Variants in PRKCA observed in about 807,000 individuals in gnomAD.
PRKCA encodes protein kinase C alpha, also known as protein kinase C alpha type.
Under a neutral mutation model 87.0 loss-of-function variants are expected in PRKCA, and 27 were observed. The observed-to-expected ratio is 0.31, with a 90% CI of 0.23 to 0.43. PRKCA has a LOEUF of 0.43. Ranked by LOEUF, PRKCA falls within the 20% of genes least tolerant of loss-of-function variation. The pLI is 1.00. For synonymous variants in PRKCA, 329 were observed against 311.1 expected (o/e 1.06, Z -0.61); for missense variants, 518 against 852.3 (o/e 0.61, Z 4.88).
chr17:66,653,532 A>G (rs933709311), intron 5 of PRKCA, among the ~76,000 whole-genome samples: 3 of 152,218 alleles, frequency 2.0e-5, no homozygotes, highest in African/African-American at 7.2e-5. Flanking sequence ...TCGAGGTAAC[A>G]GGGATCTATG....
At chr17:66,446,239 AC>A (rs869107211) in intron 2 of PRKCA, among the ~76,000 whole-genome samples, 1 of 33,050 alleles carries the variant, frequency 3.0e-5, no homozygotes, top group Admixed American at 3.3e-4. Context: ...TCTCTTCCCA[AC>A]ACACACACAC....
chr17:66,380,384 GAATAA>G (rs1348720691), intron 2 of PRKCA, among the ~76,000 whole-genome samples: 5 of 152,048 alleles, frequency 3.3e-5, no homozygotes, highest in African/African-American at 1.2e-4. Context: ...TTTCAAAAAT[GAATAA>G]AATAATATTA....
intron 8 of PRKCA, among the ~76,000 whole-genome samples, chr17:66,720,343 T>C (rs1402456824): frequency 6.6e-6 from 1 of 152,230 alleles, no homozygotes; most frequent in African/African-American, 2.4e-5. Flanking sequence ...ACATTTTATT[T>C]ACTCTAACTG....
At chr17:66,311,933 A>C (rs1234958844) in intron 2 of PRKCA, among the ~76,000 whole-genome samples, 2 of 152,142 alleles carry the variant, frequency 1.3e-5, no homozygotes, top group African/African-American at 4.8e-5. Flanking sequence ...AAGCCGAATA[A>C]ATGTTTACTT....
At chr17:66,789,244 C>T (rs550657318) in intron 16 of PRKCA, among the ~76,000 whole-genome samples, 13 of 152,350 alleles carry the variant, frequency 8.5e-5, no homozygotes, top group South Asian at 4.1e-4. Flanking sequence ...AGAGCACCCC[C>T]GCACGACTAG....
At chr17:66,778,309 T>C (rs531555480) in intron 14 of PRKCA, 94 of 740,860 alleles carry the variant, frequency 1.3e-4, no homozygotes, top group Non-Finnish European at 1.5e-4. Context: ...GTCAGGAGAT[T>C]GAGACCATCC....
intron 3 of PRKCA, among the ~76,000 whole-genome samples, chr17:66,502,934 C>T (rs1916807578): frequency 6.6e-6 from 1 of 152,200 alleles, no homozygotes; most frequent in African/African-American, 2.4e-5. Flanking sequence ...GCTGGGATTA[C>T]AGGCATGAGC....
intron 15 of PRKCA, among the ~76,000 whole-genome samples, chr17:66,788,421 A>G (rs1399706108): frequency 1.3e-5 from 2 of 152,146 alleles, no homozygotes; most frequent in African/African-American, 4.8e-5. Context: ...ATACGTAGAC[A>G]TATGATGCTT....
intron 14 of PRKCA, chr17:66,778,226 G>A (rs1317128339): frequency 1.0e-5 from 10 of 984,292 alleles, no homozygotes; most frequent in African/African-American, 8.7e-5. Flanking sequence ...TATTAAAAAC[G>A]GTGATGGCTG....
At chr17:66,362,649 C>G (rs1908456210) in intron 2 of PRKCA, among the ~76,000 whole-genome samples, 1 of 151,068 alleles carries the variant, frequency 6.6e-6, no homozygotes, top group African/African-American at 2.4e-5. Context: ...TTCTGTCTCC[C>G]TCAACTAGTG....
chr17:66,578,612 A>G (rs1969317272), intron 3 of PRKCA, among the ~76,000 whole-genome samples: 2 of 152,188 alleles, frequency 1.3e-5, no homozygotes, highest in South Asian at 4.1e-4. Context: ...TGTATAAATA[A>G]GAAAGTAAAC....
intron 3 of PRKCA, among the ~76,000 whole-genome samples, chr17:66,578,906 G>A (rs569108850): frequency 8.0e-4 from 122 of 152,320 alleles, no homozygotes; most frequent in African/African-American, 2.8e-3. Context: ...GGCTCCCCGC[G>A]CAGCTCGCCA....
intron 3 of PRKCA, among the ~76,000 whole-genome samples, chr17:66,585,800 G>T (rs939811746): frequency 8.5e-5 from 13 of 152,246 alleles, no homozygotes; most frequent in Non-Finnish European, 1.3e-4. Context: ...TAAAGTGAAG[G>T]TGACGGTGTC....
chr17:66,540,427 G>A (rs1967944920), intron 3 of PRKCA, among the ~76,000 whole-genome samples: 1 of 152,172 alleles, frequency 6.6e-6, no homozygotes. Context: ...TTGCTGCTTT[G>A]GGGGTGAGGA....
At chr17:66,486,850 A>G (rs778347624) in intron 2 of PRKCA, among the ~76,000 whole-genome samples, 4 of 152,096 alleles carry the variant, frequency 2.6e-5, no homozygotes, top group Admixed American at 2.0e-4. Flanking sequence ...TTGGGGGTAC[A>G]TCTGATATTT....
rs1008539972 is a variant in PRKCA, at chr17:66,808,703, TTTTA to T, written c.*4686_*4689del. The T allele has an allele frequency of 2.6e-5, 4 of 151,996 alleles. No homozygotes were observed. The highest frequency in any genetic ancestry group is 4.4e-5 in the Non-Finnish European group (3 of 68,046). The allele number at this position is 151,996 out of a possible 1,614,324, so 9.4% of individuals were successfully genotyped here. Reference sequence around the variant, plus strand: ...AATTTGACAAGGAGTGTTGCGAAATTTTTATTTATTTATTTATTTATTTTGAGAT... The same window carrying T: ...AATTTGACAAGGAGTGTTGCGAAATTTTTATTTATTTATTTATTTTGAGAT... On this transcript the variant is annotated 3_prime_UTR_variant, in exon 17 of 17. Coordinates refer to ENST00000413366, the MANE Select transcript of PRKCA (RefSeq NM_002737.3).
chr17:66,352,716 A>T (rs1907824176), intron 2 of PRKCA, among the ~76,000 whole-genome samples: 1 of 151,776 alleles, frequency 6.6e-6, no homozygotes, highest in Non-Finnish European at 1.5e-5. Flanking sequence ...GGTGCGTGCC[A>T]CCACACTCAG....
At chr17:66,639,450 TA>T (rs1444475703) in intron 3 of PRKCA, 1 of 152,124 alleles carries the variant, frequency 6.6e-6, no homozygotes, top group African/African-American at 2.4e-5. Flanking sequence ...TGCAGTGGCA[TA>T]ATCTCAGCTC....
At chr17:66,558,303 G>GTATAATA (rs1968564707) in intron 3 of PRKCA, among the ~76,000 whole-genome samples, 1 of 152,232 alleles carries the variant, frequency 6.6e-6, no homozygotes, top group Admixed American at 6.5e-5. Flanking sequence ...CAACATGTAT[G>GTATAATA]CCAATAAATA....
Sources: gnomAD v4.1 joint callset for allele counts (sites outside exome capture counted in the v4.1 genomes callset) on GRCh38, gnomAD v4.1.1 for gene constraint, MANE v1.5 for transcripts, NCBI Gene and HGNC (gene_info 2026-07-23, HGNC 2026-07-21) for gene names.